The following ZNF804B variants were observed in gnomAD, a reference collection of about 807,000 sequenced individuals.
ZNF804B encodes the protein zinc finger protein 804B, also known as zinc finger 804B.
A neutral mutation model predicts 101.4 loss-of-function variants in ZNF804B; 80 were observed. That is an observed-to-expected ratio of 0.79 (90% CI 0.66 to 0.95). The LOEUF (loss-of-function observed/expected upper bound fraction) is 0.95, where lower values mean the gene tolerates loss of function less well. ZNF804B is among the 40% of genes least tolerant of loss of function. ZNF804B has a pLI of 0.00. For synonymous variants in ZNF804B, 622 were observed against 558.8 expected, an observed-to-expected ratio of 1.11 and a Z score of -1.59; for missense variants, 1,673 against 1,561.9, an observed-to-expected ratio of 1.07 and a Z score of -1.20.
In ZNF804B at chr7:89,157,117, G is replaced by A. The variant is rs1243746000; in HGVS notation, c.109-61038G>A. ...GGTGATACTGTTTATATTTAAGTCA[G>A]CAGTAAAATAAGATTTGCTTAAAAC... On this transcript the variant is annotated intron_variant, in intron 1 of 3. Transcript: ENST00000333190. Among the ~76,000 whole-genome samples, 4 of 152,126 alleles carry A rather than the reference G, an allele frequency of 2.6e-5. No individual in the cohort carries two copies. The East Asian group carries it at 7.7e-4, about 29-fold the overall frequency.
intron 1 of ZNF804B, among the ~76,000 whole-genome samples, chr7:89,050,152 G>A (rs533175068): frequency 3.9e-5 from 6 of 151,952 alleles, no homozygotes; most frequent in Non-Finnish European, 5.9e-5. Flanking sequence ...ATCGTATTTC[G>A]GAAGATAAAG....
intron 2 of ZNF804B, among the ~76,000 whole-genome samples, chr7:89,309,063 T>C (rs545597424): frequency 8.5e-5 from 13 of 152,124 alleles, no homozygotes; most frequent in Non-Finnish European, 1.3e-4. Context: ...ATACTGAGGT[T>C]TAGGTTTCTA....
intron 1 of ZNF804B, among the ~76,000 whole-genome samples, chr7:88,944,677 CAG>C (rs1474192044): frequency 6.6e-6 from 1 of 151,470 alleles, no homozygotes; most frequent in African/African-American, 2.4e-5. Flanking sequence ...TAAAAGTAAC[CAG>C]AGTCATTTAA....
intron 1 of ZNF804B, among the ~76,000 whole-genome samples, chr7:88,869,485 G>T (rs1035873885): frequency 3.3e-5 from 5 of 151,962 alleles, no homozygotes; most frequent in African/African-American, 1.2e-4. Flanking sequence ...CTTCCTTCAG[G>T]TGTTAGAAAA....
At chr7:89,275,981 T>C (rs1789974504) in intron 2 of ZNF804B, among the ~76,000 whole-genome samples, 1 of 151,816 alleles carries the variant, frequency 6.6e-6, no homozygotes, top group Non-Finnish European at 1.5e-5. Flanking sequence ...TGGAATACTA[T>C]GCAGCCATAA....
At position 89,258,732 on chromosome 7, in the gene ZNF804B, T is replaced by C. The variant is rs182604578; in HGVS notation, c.249+40437T>C. Reference sequence around the variant, plus strand: ...AGTTAACACATATTTTGTAAATGTATTATGTACTGTATTCTTACAATAAAG... The same window carrying C: ...AGTTAACACATATTTTGTAAATGTACTATGTACTGTATTCTTACAATAAAG... On this transcript the variant is annotated intron_variant, in intron 2 of 3. Coordinates refer to ENST00000333190, the MANE Select transcript of ZNF804B (RefSeq NM_181646.5). Among the ~76,000 whole-genome samples the C allele has an allele frequency of 3.7e-3, 565 of 152,244 alleles. 3 individuals carry two copies. The highest frequency in any genetic ancestry group is 5.8e-3 in the Non-Finnish European group (391 of 67,996).
intron 2 of ZNF804B, among the ~76,000 whole-genome samples, chr7:89,293,672 C>A (rs2115903219): frequency 6.6e-6 from 1 of 152,056 alleles, no homozygotes; most frequent in Non-Finnish European, 1.5e-5. Context: ...GTAGTCCCAG[C>A]TACTTGGGAG....
intron 1 of ZNF804B, among the ~76,000 whole-genome samples, chr7:89,024,765 T>G (rs762101481): frequency 6.6e-6 from 1 of 151,594 alleles, no homozygotes; most frequent in Admixed American, 6.6e-5. Context: ...GTGTAGTCTA[T>G]GGAGCCATCA....
rs142878999 is a variant in ZNF804B, at chr7:88,997,327, C to T, written c.109-220828C>T. Among the ~76,000 whole-genome samples the T allele has an allele frequency of 3.2e-3, 484 of 152,218 alleles. 3 individuals are homozygous for T. The highest frequency in any genetic ancestry group is 5.2e-3 in the Non-Finnish European group (353 of 67,996). On this transcript the variant is annotated intron_variant, in intron 1 of 3. Coordinates refer to ENST00000333190, the MANE Select transcript of ZNF804B (RefSeq NM_181646.5). ...TGGTTGAATTTCAAAAGTTTTCTAACTTAACAAGTCTTATTTTGTTAGATT... is the reference window on the plus strand; with the variant it reads ...TGGTTGAATTTCAAAAGTTTTCTAATTTAACAAGTCTTATTTTGTTAGATT...
Position 89,333,591 on chromosome 7 carries a change from A to G in ZNF804B, c.609A>G (p.Val203=), listed in dbSNP as rs555838660. Residue 203 remains valine (V), a synonymous_variant, in exon 4 of 4, where the codon GTA becomes GTG. Coordinates refer to ENST00000333190, the MANE Select transcript of ZNF804B (RefSeq NM_181646.5). The part of the protein sequence containing the change: ...SDRRCLFGNQ[V]LQTSSDLSNA... ...GGCGTTGTTTGTTTGGAAATCAGGTACTGCAAACATCTTCAGATCTCAGCA... is the reference window on the plus strand; with the variant it reads ...GGCGTTGTTTGTTTGGAAATCAGGTGCTGCAAACATCTTCAGATCTCAGCA... The G allele has an allele frequency of 1.2e-5, 19 of 1,613,518 alleles. No individual in the cohort carries two copies. Among genetic ancestry groups the G allele is most frequent in the Non-Finnish European group, 1.5e-5 (18 of 1,179,728 alleles).
intron 2 of ZNF804B, among the ~76,000 whole-genome samples, chr7:89,279,669 T>C (rs1275267289): frequency 6.6e-6 from 1 of 152,214 alleles, no homozygotes; most frequent in Non-Finnish European, 1.5e-5. Context: ...GATTTTCATA[T>C]GTTGAACCAG....
intron 1 of ZNF804B, among the ~76,000 whole-genome samples, chr7:89,171,279 GCTGCTGCTGCTTCTTCTTCTTCTT>G (rs1384227857): frequency 2.8e-4 from 20 of 70,544 alleles, no homozygotes; most frequent in African/African-American, 7.8e-4. Flanking sequence ...CACAAATAAT[GCTGCTGCTGCTTCTTCTTCTTCTT>G]CTTCTTCTTC....
In ZNF804B at chr7:88,904,850, G is replaced by A. The variant is rs74695106; in HGVS notation, c.108+144766G>A. Among the ~76,000 whole-genome samples the A allele has an allele frequency of 5.5e-3, 844 of 152,204 alleles. 14 individuals carry two copies. The highest frequency in any genetic ancestry group is 0.019 in the African/African-American group (806 of 41,532). On this transcript the variant is annotated intron_variant, in intron 1 of 3. Coordinates refer to ENST00000333190, the MANE Select transcript of ZNF804B (RefSeq NM_181646.5). The stretch of plus-strand genomic sequence containing the variant: ...TGTATCAGTTCTAGGAGTCTTTTGC[G>A]AGTTTTTAGGGTTTTCCATGTATAG...
At chr7:89,211,653 T>A (rs1788806331) in intron 1 of ZNF804B, among the ~76,000 whole-genome samples, 1 of 152,160 alleles carries the variant, frequency 6.6e-6, no homozygotes, top group African/African-American at 2.4e-5. Context: ...CAGATGGTTG[T>A]AGATTTGTGG....
intron 2 of ZNF804B, among the ~76,000 whole-genome samples, chr7:89,223,289 T>G (rs1789033484): frequency 6.6e-6 from 1 of 151,920 alleles, no homozygotes; most frequent in African/African-American, 2.4e-5. Flanking sequence ...ATTCTATTAC[T>G]CATCAATAGA....
chr7:89,026,391 C>G (rs1023752202), intron 1 of ZNF804B, among the ~76,000 whole-genome samples: 1 of 151,978 alleles, frequency 6.6e-6, no homozygotes, highest in African/African-American at 2.4e-5. Flanking sequence ...TGCTAAAGCA[C>G]GGGGGTACAC....
chr7:88,855,579 C>T (rs903636539), intron 1 of ZNF804B, among the ~76,000 whole-genome samples: 2 of 152,092 alleles, frequency 1.3e-5, no homozygotes, highest in Non-Finnish European at 2.9e-5. Context: ...ATGGTAGTTT[C>T]TTTTGCTGTG....
rs768337844 is a variant in ZNF804B at position 89,220,045 on chromosome 7, GCA to G, written c.249+1751_249+1752del. Among the ~76,000 whole-genome samples, 82 of 95,186 alleles carry G rather than the reference GCA, an allele frequency of 8.6e-4. 10 individuals carry two copies. The highest frequency in any genetic ancestry group is 2.8e-3 in the African/African-American group (59 of 21,282). The allele number at this position is 95,186 out of a possible 152,430, so 62.4% of individuals were successfully genotyped here. A position where few individuals can be genotyped will look rare whatever the true frequency, so the allele number is the denominator to read the frequency against. On this transcript the variant is annotated intron_variant, in intron 2 of 3. Transcript: ENST00000333190. Reference sequence around the variant, plus strand: ...TACATATATATACGCACATATATGTGCATATATACATATATACGCACATATAT... The same window carrying G: ...TACATATATATACGCACATATATGTGTATATACATATATACGCACATATAT...
chr7:89,315,511 A>G (rs1790711287), intron 2 of ZNF804B, among the ~76,000 whole-genome samples: 1 of 152,186 alleles, frequency 6.6e-6, no homozygotes, highest in Admixed American at 6.5e-5. Context: ...ATATTGATAC[A>G]TCCAAGAAGA....
Sources: gnomAD v4.1 joint callset for allele counts (sites outside exome capture counted in the v4.1 genomes callset) on GRCh38, gnomAD v4.1.1 for gene constraint, MANE v1.5 for transcripts, NCBI Gene and HGNC (gene_info 2026-07-23, HGNC 2026-07-21) for gene names.